EMSY: variants seen among roughly 807,000 people sequenced by gnomAD.
The protein encoded by EMSY is EMSY transcriptional repressor, BRCA2 interacting, also known as BRCA2-interacting transcriptional repressor EMSY.
In EMSY, 26 loss-of-function variants were observed where a neutral mutation model predicts 134.6. The observed-to-expected ratio is 0.19, with a 90% CI of 0.14 to 0.27. The LOEUF (loss-of-function observed/expected upper bound fraction) is 0.27, where lower values mean the gene tolerates loss of function less well. Ranked by LOEUF, EMSY falls within the 10% of genes least tolerant of loss-of-function variation. The pLI, the probability that EMSY is intolerant of heterozygous loss-of-function variation, is 1.00. For missense variants in EMSY, 1,305 were observed against 1,611.4 expected, an observed-to-expected ratio of 0.81 and a Z score of 3.26; for synonymous variants, 579 against 577.8, an observed-to-expected ratio of 1.00 and a Z score of -0.03.
At chr11:76,474,347 A>G (rs921890789) in intron 8 of EMSY, among the ~76,000 whole-genome samples, 1 of 152,230 alleles carries the variant, frequency 6.6e-6, no homozygotes, top group African/African-American at 2.4e-5. Context: ...CTTGGAAACA[A>G]TATAGAAGGG....
At chr11:76,539,614 G>A (rs1399623651) in exon 17 of EMSY, 4 of 1,613,690 alleles carry the variant, frequency 2.5e-6, no homozygotes, top group East Asian at 4.5e-5. Flanking sequence ...ACTGATGAGG[G>A]GACAGAGGTT....
At chr11:76,544,793 G>C in exon 19 of EMSY, 1 of 1,614,094 alleles carries the variant, frequency 6.2e-7, no homozygotes, top group South Asian at 1.1e-5. Context: ...GTCGCTCCCA[G>C]CTTCTTCAGA....
chr11:76,477,689 A>G (rs985686466), intron 8 of EMSY, among the ~76,000 whole-genome samples: 2 of 152,180 alleles, frequency 1.3e-5, no homozygotes, highest in African/African-American at 4.8e-5. Context: ...TTTATCTTAG[A>G]TGACTGCTTC....
At chr11:76,513,602 C>T in intron 10 of EMSY, 67 bp downstream of exon 11, 3 of 1,536,266 alleles carry the variant, frequency 2.0e-6, no homozygotes, top group Non-Finnish European at 2.7e-6. Flanking sequence ...TCTGTACCAG[C>T]AATATGCTTG....
chr11:76,544,572 A>G (rs1650616515), exon 19 of EMSY: 3 of 1,614,136 alleles, frequency 1.9e-6, no homozygotes, highest in Non-Finnish European at 2.5e-6. Flanking sequence ...ACCCCTCTCC[A>G]GCAAGAACAA....
intron 8 of EMSY, among the ~76,000 whole-genome samples, chr11:76,485,000 A>G (rs1349275464): frequency 6.6e-6 from 1 of 152,142 alleles, no homozygotes; most frequent in Non-Finnish European, 1.5e-5. Flanking sequence ...CTAAACCAGG[A>G]AGAAGTCAAA....
intron 9 of EMSY, among the ~76,000 whole-genome samples, chr11:76,511,231 A>AT (rs1215256055): frequency 2.0e-4 from 31 of 152,048 alleles, no homozygotes; most frequent in African/African-American, 7.5e-4. Context: ...GTCTATTTAC[A>AT]TTTTTTCTCT....
At chr11:76,495,051 G>A (rs1028702599) in intron 8 of EMSY, among the ~76,000 whole-genome samples, 1 of 152,076 alleles carries the variant, frequency 6.6e-6, no homozygotes, top group Admixed American at 6.6e-5. Flanking sequence ...GTCTCAAAGT[G>A]TCCCTCAGTC....
At chr11:76,450,618 A>C (rs367930959) in intron 2 of EMSY, among the ~76,000 whole-genome samples, 25 of 151,732 alleles carry the variant, frequency 1.6e-4, no homozygotes, top group African/African-American at 5.6e-4. Flanking sequence ...CAGCCTCCTG[A>C]GTAGCTGGGA....
At chr11:76,447,044 G>A in intron 2 of EMSY, 36 bp downstream of exon 2, 1 of 1,600,116 alleles carries the variant, frequency 6.2e-7, no homozygotes, top group Non-Finnish European at 8.6e-7. Context: ...ACCTCTCTCT[G>A]ATACCTTTTT....
intron 8 of EMSY, among the ~76,000 whole-genome samples, chr11:76,473,467 C>A (rs538582246): frequency 6.6e-6 from 1 of 151,746 alleles, no homozygotes; most frequent in East Asian, 2.0e-4. Context: ...CCACCATACC[C>A]GGCTATTTTT....
intron 14 of EMSY, among the ~76,000 whole-genome samples, chr11:76,534,284 TTCATAATA>T (rs1465235224): frequency 6.6e-6 from 1 of 152,152 alleles, no homozygotes; most frequent in East Asian, 1.9e-4. Context: ...AAGGAATGGT[TTCATAATA>T]TAATCAATTC....
intron 4 of EMSY, among the ~76,000 whole-genome samples, chr11:76,456,866 A>G (rs1304628834): frequency 6.6e-6 from 1 of 152,198 alleles, no homozygotes; most frequent in African/African-American, 2.4e-5. Context: ...CAACAGCACT[A>G]TCCAGTTGGT....
intron 12 of EMSY, among the ~76,000 whole-genome samples, chr11:76,525,392 C>G (rs1039499170): frequency 6.6e-6 from 1 of 152,170 alleles, no homozygotes; most frequent in African/African-American, 2.4e-5. Context: ...ACAATGATTG[C>G]TTTTTAGCCA....
intron 10 of EMSY, among the ~76,000 whole-genome samples, chr11:76,515,249 G>A (rs1402824337): frequency 1.3e-5 from 2 of 151,454 alleles, no homozygotes; most frequent in African/African-American, 4.9e-5. Flanking sequence ...CTATCAAAGT[G>A]GTCCGTGAAT....
intron 14 of EMSY, among the ~76,000 whole-genome samples, chr11:76,534,228 A>G (rs915037804): frequency 6.6e-6 from 1 of 152,202 alleles, no homozygotes; most frequent in East Asian, 1.9e-4. Context: ...TTCTTTGCCT[A>G]TATCATTATG....
chr11:76,539,648 G>T lies in EMSY; in HGVS notation c.2557+8G>T. 6.2e-7 allele frequency: 1 copy of T among 1,612,914 alleles called. No homozygotes were observed. The highest frequency in any genetic ancestry group is 8.5e-7 in the Non-Finnish European group (1 of 1,178,902). On this transcript the variant is annotated splice_region_variant and intron_variant, in intron 17 of 20. Coordinates refer to ENST00000334736, the Ensembl canonical transcript of EMSY. ...TTGCTTTTCCCCTTCTAGGTAAGTG[G>T]TGTGCATCCATTTGTAGTATCACTG...
At chr11:76,550,337 C>T (rs953550119) in exon 21 of EMSY, 23 of 386,090 alleles carry the variant, frequency 6.0e-5, no homozygotes, top group Non-Finnish European at 8.3e-5. Flanking sequence ...GGGGAATGTA[C>T]TTTTTTAAAA....
At chr11:76,495,242 T>C (rs1483212078) in intron 8 of EMSY, among the ~76,000 whole-genome samples, 2 of 152,220 alleles carry the variant, frequency 1.3e-5, no homozygotes, top group East Asian at 3.8e-4. Flanking sequence ...TTTTCTGTAA[T>C]ACAGTGTATT....
Sources: gnomAD v4.1 joint callset for allele counts (sites outside exome capture counted in the v4.1 genomes callset) on GRCh38, gnomAD v4.1.1 for gene constraint, MANE v1.5 for transcripts, NCBI Gene and HGNC (gene_info 2026-07-23, HGNC 2026-07-21) for gene names.